Variants in HS6ST1 observed in about 807,000 individuals in gnomAD.
HS6ST1 encodes the protein heparan sulfate 6-O-sulfotransferase 1.
Under a neutral mutation model 25.2 loss-of-function variants are expected in HS6ST1, and 3 were observed. That is an observed-to-expected ratio of 0.12 (90% CI 0.05 to 0.31). The LOEUF (loss-of-function observed/expected upper bound fraction) is 0.31, where lower values mean the gene tolerates loss of function less well. Ranked by LOEUF, HS6ST1 falls within the 10% of genes least tolerant of loss-of-function variation. HS6ST1 has a pLI of 1.00. For missense variants in HS6ST1, 310 were observed against 609.6 expected (o/e 0.51, Z 5.18); for synonymous variants, 204 against 275.1 (o/e 0.74, Z 2.56).
chr2:128,278,792 G>A (rs1397109180), intron 1 of HS6ST1, among the ~76,000 whole-genome samples: 2 of 152,130 alleles, frequency 1.3e-5, no homozygotes, highest in Non-Finnish European at 2.9e-5. Context: ...GACAGAAATG[G>A]ACTACTCAGT....
At position 128,285,521 on chromosome 2, in the gene HS6ST1, A is replaced by C. The variant is rs190182356; in HGVS notation, c.528-16651T>G. Reference sequence around the variant, plus strand: ...ACCTGGATGCCTGCCGCTACGGCCCAGCTCTGCTACCCTGAGGACTCAGCT... The same window carrying C: ...ACCTGGATGCCTGCCGCTACGGCCCCGCTCTGCTACCCTGAGGACTCAGCT... On this transcript the variant is annotated intron_variant, in intron 1 of 1. Coordinates refer to ENST00000259241, the MANE Select transcript of HS6ST1 (RefSeq NM_004807.3). Among the ~76,000 whole-genome samples, 257 of 152,324 alleles carry C rather than the reference A, an allele frequency of 1.7e-3. 1 individual carries two copies. Among genetic ancestry groups the C allele is most frequent in the Admixed American group, 2.9e-3 (44 of 15,302 alleles).
intron 1 of HS6ST1, among the ~76,000 whole-genome samples, chr2:128,275,333 C>T (rs932498385): frequency 1.2e-4 from 18 of 152,178 alleles, no homozygotes; most frequent in South Asian, 6.2e-4. Context: ...GGTGTAAGAA[C>T]GCTTCACCTT....
rs368742889 is a variant in HS6ST1 at position 128,268,265 on chromosome 2, C to G, written c.1133G>C (p.Arg378Pro). Reference sequence around the variant, plus strand: ...TGCCTCCTTGGCCCGGTGCAGCAGACGCTCCTCGCGGCTCCTCAGGCGCTG... The same window carrying G: ...TGCCTCCTTGGCCCGGTGCAGCAGAGGCTCCTCGCGGCTCCTCAGGCGCTG... ...REQRLRSREE[R>P]LLHRAKEALP... is the part of the protein sequence containing the mutation. Residue 378 changes from arginine to proline, a missense_variant, in exon 2 of 2, where the codon CGT becomes CCT. Arg to Pro is a moderately radical substitution (Grantham distance 103). Around this residue, in one of 5 missense-constraint regions of HS6ST1, gnomAD observed 140 missense variants for 176.5 expected, o/e 0.79. Transcript: ENST00000259241. 1.1e-5 allele frequency: 17 copies of G among 1,611,878 alleles called. No individual in the cohort carries two copies. The highest frequency in any genetic ancestry group is 1.2e-5 in the Non-Finnish European group (14 of 1,179,652).
At chr2:128,298,472 G>A (rs1165678564) in intron 1 of HS6ST1, among the ~76,000 whole-genome samples, 1 of 152,202 alleles carries the variant, frequency 6.6e-6, no homozygotes, top group African/African-American at 2.4e-5. Context: ...ATAGACGATG[G>A]AGTATTACTC....
intron 1 of HS6ST1, among the ~76,000 whole-genome samples, chr2:128,316,835 G>A (rs1694371829): frequency 6.6e-6 from 1 of 152,056 alleles, no homozygotes; most frequent in Non-Finnish European, 1.5e-5. Flanking sequence ...TCTGTGCAGG[G>A]GAGCAGTGTC....
intron 1 of HS6ST1, among the ~76,000 whole-genome samples, chr2:128,312,021 G>A (rs1350927473): frequency 6.6e-6 from 1 of 152,258 alleles, no homozygotes; most frequent in East Asian, 1.9e-4. Context: ...CATGATGCCT[G>A]TCCTTCTGCT....
At chr2:128,278,131 A>G (rs1472418166) in intron 1 of HS6ST1, among the ~76,000 whole-genome samples, 1 of 152,246 alleles carries the variant, frequency 6.6e-6, no homozygotes, top group Non-Finnish European at 1.5e-5. Context: ...AGTGCCTTCC[A>G]GGCAGGAGGG....
At chr2:128,279,041 G>C (rs973779178) in intron 1 of HS6ST1, among the ~76,000 whole-genome samples, 1 of 152,150 alleles carries the variant, frequency 6.6e-6, no homozygotes, top group Non-Finnish European at 1.5e-5. Context: ...AAGCCTCCCC[G>C]CTGCATGGGA....
At chr2:128,289,812 G>A (rs1480346183) in intron 1 of HS6ST1, 1 of 152,186 alleles carries the variant, frequency 6.6e-6, no homozygotes, top group Non-Finnish European at 1.5e-5. Context: ...ACCAACCACA[G>A]GCCAGAGGCA....
intron 1 of HS6ST1, among the ~76,000 whole-genome samples, chr2:128,287,980 T>C (rs1295966807): frequency 2.6e-5 from 4 of 152,100 alleles, no homozygotes; most frequent in Non-Finnish European, 2.9e-5. Flanking sequence ...ATGTCACTTA[T>C]GCCTGAACGC....
At chr2:128,283,179 C>T (rs557610621) in intron 1 of HS6ST1, among the ~76,000 whole-genome samples, 1 of 152,356 alleles carries the variant, frequency 6.6e-6, no homozygotes, top group East Asian at 1.9e-4. Flanking sequence ...CTCCCCAACA[C>T]AGTGCTGGGG....
chr2:128,271,269 T>C (rs1693605201), intron 1 of HS6ST1, among the ~76,000 whole-genome samples: 1 of 152,150 alleles, frequency 6.6e-6, no homozygotes, highest in Non-Finnish European at 1.5e-5. Context: ...CCTGTGCCTG[T>C]GTGTGTATCG....
chr2:128,300,226 G>A (rs1694102964), intron 1 of HS6ST1, among the ~76,000 whole-genome samples: 1 of 152,180 alleles, frequency 6.6e-6, no homozygotes, highest in African/African-American at 2.4e-5. Context: ...TGGCATGGAC[G>A]AGGCTGTGCA....
chr2:128,307,241 T>G (rs928782911), intron 1 of HS6ST1, among the ~76,000 whole-genome samples: 9 of 151,942 alleles, frequency 5.9e-5, no homozygotes, highest in African/African-American at 2.2e-4. Context: ...CTGCTGAGGA[T>G]CTCCAGGGAA....
chr2:128,291,886 T>C (rs1693957391), intron 1 of HS6ST1, among the ~76,000 whole-genome samples: 1 of 152,224 alleles, frequency 6.6e-6, no homozygotes, highest in Non-Finnish European at 1.5e-5. Context: ...TAGGTGCTTC[T>C]TGCCCTCCAT....
intron 1 of HS6ST1, among the ~76,000 whole-genome samples, chr2:128,317,696 G>A (rs1285915878): frequency 6.6e-6 from 1 of 152,270 alleles, no homozygotes; most frequent in African/African-American, 2.4e-5. Flanking sequence ...CCCAAGTCCG[G>A]CGGGCCAGAC....
chr2:128,286,964 TC>T (rs1226893244), intron 1 of HS6ST1, among the ~76,000 whole-genome samples: 1 of 152,108 alleles, frequency 6.6e-6, no homozygotes, highest in Non-Finnish European at 1.5e-5. Context: ...ACTCCCACCT[TC>T]CCCTTGGGGT....
chr2:128,312,623 C>T (rs529465683), intron 1 of HS6ST1, among the ~76,000 whole-genome samples: 12 of 152,166 alleles, frequency 7.9e-5, no homozygotes, highest in South Asian at 2.1e-4. Flanking sequence ...GAGCAGGTGG[C>T]GACATGTGGG....
intron 1 of HS6ST1, among the ~76,000 whole-genome samples, chr2:128,294,221 C>T (rs895679474): frequency 1.3e-5 from 2 of 152,202 alleles, no homozygotes; most frequent in African/African-American, 2.4e-5. Context: ...GCCCTGTGCC[C>T]GGCCCTGGCA....
Sources: allele counts gnomAD v4.1 joint callset (sites outside exome capture counted in the v4.1 genomes callset), GRCh38; gene constraint gnomAD v4.1.1; regional missense constraint gnomAD v4.1.1; transcripts MANE v1.5; gene names NCBI Gene and HGNC (gene_info 2026-07-23, HGNC 2026-07-21).